ZC3H12B: variants seen among roughly 807,000 people sequenced by gnomAD.
The protein encoded by ZC3H12B is zinc finger CCCH-type containing 12B, also known as probable ribonuclease ZC3H12B.
In ZC3H12B, 7 loss-of-function variants were observed where a neutral mutation model predicts 43.9. That is an observed-to-expected ratio of 0.16 (90% CI 0.09 to 0.30). The LOEUF is 0.30. Among genes scored for constraint, ZC3H12B ranks in the 10% least tolerant of loss-of-function variants. The pLI is 1.00. For missense variants in ZC3H12B, 475 were observed against 670.2 expected, an observed-to-expected ratio of 0.71 and a Z score of 3.22; for synonymous variants, 222 against 241.7, an observed-to-expected ratio of 0.92 and a Z score of 0.76.
At chrX:65,495,578 G>A (rs1348458613) in intron 1 of ZC3H12B, among the ~76,000 whole-genome samples, 1 of 111,916 alleles carries the variant, frequency 8.9e-6, no homozygotes, top group Non-Finnish European at 1.9e-5. Flanking sequence ...GAATTGGTAC[G>A]TGTATGCCCA....
the ZC3H12B span, among the ~76,000 whole-genome samples, chrX:65,184,245 T>A: frequency 3.6e-5 from 4 of 111,313 alleles, no homozygotes; most frequent in East Asian, 2.8e-4. Context: ...TGTCTTATAT[T>A]TTTTTTGTTT....
chrX:65,105,292 T>C, the ZC3H12B span, among the ~76,000 whole-genome samples: 1 of 110,658 alleles, frequency 9.0e-6, no homozygotes, highest in East Asian at 2.9e-4. Context: ...TTAGGACAAA[T>C]ATCTAGTGCA....
the ZC3H12B span, among the ~76,000 whole-genome samples, chrX:65,347,045 C>G: frequency 8.9e-6 from 1 of 112,106 alleles, no homozygotes; most frequent in African/African-American, 3.2e-5. Flanking sequence ...ACACATCGTA[C>G]AGGAGAGCTC....
the ZC3H12B span, among the ~76,000 whole-genome samples, chrX:65,171,754 C>T: frequency 9.0e-6 from 1 of 110,959 alleles, no homozygotes; most frequent in African/African-American, 3.3e-5. Context: ...GACGCCCCTC[C>T]CCCAGTCTTG....
the ZC3H12B span, among the ~76,000 whole-genome samples, chrX:65,124,303 A>G: frequency 9.9e-5 from 11 of 111,062 alleles, no homozygotes; most frequent in Admixed American, 1.1e-3. Flanking sequence ...ATTGACTTAC[A>G]TATGTTAAAC....
chrX:65,256,276 C>T, the ZC3H12B span, among the ~76,000 whole-genome samples: 1 of 112,027 alleles, frequency 8.9e-6, no homozygotes, highest in Admixed American at 9.5e-5. Flanking sequence ...AAATTAACTA[C>T]ACAGTTGGAC....
chrX:65,149,816 AAATAAAAG>A, the ZC3H12B span, among the ~76,000 whole-genome samples: 1 of 101,451 alleles, frequency 9.9e-6, no homozygotes. Context: ...TAATAATAAT[AAATAAAAG>A]TAAAGTATTA....
the ZC3H12B span, among the ~76,000 whole-genome samples, chrX:65,318,714 C>G: frequency 0.14 from 15,837 of 111,002 alleles, 2,733 homozygotes; most frequent in African/African-American, 0.49. Context: ...ACCACCGCAT[C>G]CAGCCCATTT....
chrX:65,455,025 G>GA (rs1375289470), intron 3 of ZC3H12B, among the ~76,000 whole-genome samples: 18 of 111,859 alleles, frequency 1.6e-4, no homozygotes, highest in Admixed American at 1.3e-3. Flanking sequence ...CAAAGATGGG[G>GA]AAAAAACAGA....
chrX:65,295,231 T>A, the ZC3H12B span, among the ~76,000 whole-genome samples: 1 of 111,597 alleles, frequency 9.0e-6, no homozygotes, highest in Admixed American at 9.5e-5. Flanking sequence ...GGAATAAAAT[T>A]GGAAATCAAC....
At chrX:65,347,032 C>T in the ZC3H12B span, among the ~76,000 whole-genome samples, 1 of 112,248 alleles carries the variant, frequency 8.9e-6, no homozygotes, top group African/African-American at 3.2e-5. Context: ...TAGGGGCCGA[C>T]AGACACATCG....
intron 2 of ZC3H12B, among the ~76,000 whole-genome samples, chrX:65,381,749 C>T (rs1371567580): frequency 9.0e-6 from 1 of 111,592 alleles, no homozygotes. Flanking sequence ...CAAACACATG[C>T]AATAAAAAAT....
chrX:65,182,066 G>A, the ZC3H12B span, among the ~76,000 whole-genome samples: 2 of 111,913 alleles, frequency 1.8e-5, no homozygotes, highest in East Asian at 5.6e-4. Flanking sequence ...GGAATACTGT[G>A]CAACCATCAA....
At chrX:65,270,962 A>G in the ZC3H12B span, 1 of 112,447 alleles carries the variant, frequency 8.9e-6, no homozygotes, top group Non-Finnish European at 1.9e-5. Flanking sequence ...AAGTCATTTC[A>G]GATCAATTTG....
chrX:65,469,502 G>C, intron 3 of ZC3H12B: 1 of 354,688 alleles, frequency 2.8e-6, no homozygotes, highest in Non-Finnish European at 5.3e-6. Context: ...TGGTAAAGCT[G>C]GAGGATGTAA....
intron 3 of ZC3H12B, among the ~76,000 whole-genome samples, chrX:65,453,976 G>A (rs375326962): frequency 5.2e-4 from 58 of 111,993 alleles, no homozygotes; most frequent in African/African-American, 9.1e-4. Flanking sequence ...TACACTGCTC[G>A]GGTGATGAGT....
intron 2 of ZC3H12B, among the ~76,000 whole-genome samples, chrX:65,374,563 A>C (rs1224390345): frequency 9.1e-6 from 1 of 110,062 alleles, no homozygotes; most frequent in Non-Finnish European, 1.9e-5. Flanking sequence ...CTAAACAAAA[A>C]TAGCACATTC....
the ZC3H12B span, among the ~76,000 whole-genome samples, chrX:65,320,459 T>C: frequency 8.9e-6 from 1 of 112,052 alleles, no homozygotes; most frequent in African/African-American, 3.2e-5. Flanking sequence ...ATCATTACAA[T>C]GGACATACTG....
the ZC3H12B span, among the ~76,000 whole-genome samples, chrX:65,183,226 T>C: frequency 8.9e-6 from 1 of 112,038 alleles, no homozygotes; most frequent in South Asian, 3.7e-4. Context: ...TGGAATTTTA[T>C]GCGGCCATAA....
Sources: gnomAD v4.1 joint callset for allele counts (sites outside exome capture counted in the v4.1 genomes callset) on GRCh38, gnomAD v4.1.1 for gene constraint, MANE v1.5 for transcripts, NCBI Gene and HGNC (gene_info 2026-07-23, HGNC 2026-07-21) for gene names.